Variants in STXBP6 observed in about 807,000 individuals in gnomAD.
The protein encoded by STXBP6 is syntaxin-binding protein 6.
STXBP6 carries 21 observed loss-of-function variants against 26.9 expected under a neutral mutation model. The observed-to-expected ratio is 0.78, with a 90% CI of 0.55 to 1.12. STXBP6 has a LOEUF of 1.12. Among genes scored for constraint, STXBP6 ranks in the 50% most tolerant of loss-of-function variants. STXBP6 has a pLI of 0.00. For missense variants in STXBP6, 232 were observed against 257.9 expected (o/e 0.90, Z 0.69); for synonymous variants, 97 against 92.6 (o/e 1.05, Z -0.27).
At position 24,897,363 on chromosome 14, in the gene STXBP6, T is replaced by C. The variant is rs187465267; in HGVS notation, c.155-40206A>G. ...AGGGGGAGTTTGCAGTGAGCCAAGA[T>C]CGCGCCACTGCACTCCAGCCTGGGC... is the stretch of plus-strand genomic sequence containing the variant. On this transcript the variant is annotated intron_variant, in intron 2 of 5. Coordinates refer to ENST00000323944, the MANE Select transcript of STXBP6 (RefSeq NM_001394410.1). Among the ~76,000 whole-genome samples, 14 of 127,034 alleles carry C rather than the reference T, an allele frequency of 1.1e-4. No individual in the cohort carries two copies. In the East Asian group the frequency reaches 3.2e-3, roughly 29 times the overall value. The allele number at this position is 127,034 out of a possible 152,430, so 83.3% of individuals were successfully genotyped here. A position where few individuals can be genotyped will look rare whatever the true frequency, so the allele number is the denominator to read the frequency against.
chr14:24,994,342 T>C (rs1262379171), intron 1 of STXBP6, among the ~76,000 whole-genome samples: 1 of 152,094 alleles, frequency 6.6e-6, no homozygotes, highest in African/African-American at 2.4e-5. Flanking sequence ...ATCAGGAGAG[T>C]GGGTTTGATA....
intron 1 of STXBP6, chr14:24,987,865 T>C (rs1014238618): frequency 6.1e-6 from 6 of 985,442 alleles, no homozygotes; most frequent in African/African-American, 1.7e-5. Context: ...AGAGCAAAGC[T>C]GGAATAAGAT....
At chr14:24,937,847 C>T (rs965690315) in intron 2 of STXBP6, among the ~76,000 whole-genome samples, 2 of 152,152 alleles carry the variant, frequency 1.3e-5, no homozygotes, top group Non-Finnish European at 2.9e-5. Context: ...AAAAAAATTA[C>T]CTGTGTACAT....
chr14:24,997,567 T>C (rs1002831824), intron 1 of STXBP6, among the ~76,000 whole-genome samples: 3 of 152,228 alleles, frequency 2.0e-5, no homozygotes, highest in Non-Finnish European at 2.9e-5. Context: ...TATCAAGTCT[T>C]ATCATGCACC....
intron 2 of STXBP6, among the ~76,000 whole-genome samples, chr14:24,857,596 C>T (rs2139188651): frequency 6.6e-6 from 1 of 152,058 alleles, no homozygotes; most frequent in South Asian, 2.1e-4. Flanking sequence ...TAGAGAACTG[C>T]AAGGTATATT....
At chr14:25,002,884 G>T (rs908449803) in intron 1 of STXBP6, among the ~76,000 whole-genome samples, 2 of 151,506 alleles carry the variant, frequency 1.3e-5, no homozygotes, top group Non-Finnish European at 2.9e-5. Flanking sequence ...GTGCCACCAC[G>T]CCCAGCTAAT....
chr14:24,841,184 A>G, intron 4 of STXBP6, among the ~76,000 whole-genome samples: 1 of 152,140 alleles, frequency 6.6e-6, no homozygotes, highest in Non-Finnish European at 1.5e-5. Context: ...TTCTGAATAT[A>G]TCTTTGTATT....
intron 4 of STXBP6, among the ~76,000 whole-genome samples, chr14:24,838,678 C>T (rs1014736524): frequency 2.0e-5 from 3 of 149,814 alleles, no homozygotes; most frequent in South Asian, 2.1e-4. Flanking sequence ...ATCGAGATCC[C>T]GTCTCAAAAA....
intron 1 of STXBP6, among the ~76,000 whole-genome samples, chr14:25,028,493 AGACT>A (rs1400776864): frequency 6.6e-6 from 1 of 152,070 alleles, no homozygotes; most frequent in Non-Finnish European, 1.5e-5. Flanking sequence ...CTCATTGTTG[AGACT>A]GACTGCTCAG....
At chr14:24,842,242 G>A (rs981616103) in intron 4 of STXBP6, among the ~76,000 whole-genome samples, 11 of 152,098 alleles carry the variant, frequency 7.2e-5, no homozygotes, top group African/African-American at 2.4e-4. Context: ...TGGTCACAGC[G>A]TATTTGTAAA....
At chr14:24,861,128 C>T (rs980081645) in intron 2 of STXBP6, among the ~76,000 whole-genome samples, 7 of 152,102 alleles carry the variant, frequency 4.6e-5, no homozygotes, top group Non-Finnish European at 1.0e-4. Flanking sequence ...GCAGAATTTA[C>T]CACACCTACA....
intron 2 of STXBP6, among the ~76,000 whole-genome samples, chr14:24,914,730 A>C (rs2071698950): frequency 6.6e-6 from 1 of 152,196 alleles, no homozygotes; most frequent in East Asian, 1.9e-4. Context: ...TAAGATGCAC[A>C]TCAGAAAAAT....
Position 24,990,671 on chromosome 14 carries a change from A to G in STXBP6, c.-32-15821T>C, listed in dbSNP as rs556430086. On this transcript the variant is annotated intron_variant, in intron 1 of 5. Coordinates refer to ENST00000323944, the MANE Select transcript of STXBP6 (RefSeq NM_001394410.1). Reference sequence around the variant, plus strand: ...TGAAACTCCATCTCAAAAAAAAAAAAAAAAAAAAGATAAGCTGGGTCAATT... The same window carrying G: ...TGAAACTCCATCTCAAAAAAAAAAAGAAAAAAAAGATAAGCTGGGTCAATT... Among the ~76,000 whole-genome samples the G allele has an allele frequency of 2.6e-5, 4 of 151,828 alleles. No homozygotes were observed. In the East Asian group the frequency reaches 7.8e-4, roughly 29 times the overall value.
intron 1 of STXBP6, among the ~76,000 whole-genome samples, chr14:24,999,145 C>G (rs775191260): frequency 6.6e-6 from 1 of 152,140 alleles, no homozygotes; most frequent in African/African-American, 2.4e-5. Context: ...CATTGTACAG[C>G]TGAAAAACTG....
intron 1 of STXBP6, among the ~76,000 whole-genome samples, chr14:24,989,748 C>T (rs150710457): frequency 9.6e-4 from 146 of 152,298 alleles, no homozygotes; most frequent in Middle Eastern, 3.4e-3. Flanking sequence ...CTGCCCATCA[C>T]GAGTGTGGGC....
chr14:24,937,648 A>G lies in STXBP6; in HGVS notation c.154+37017T>C, dbSNP rs576521290. On this transcript the variant is annotated intron_variant, in intron 2 of 5. Transcript: ENST00000323944. ...TATATATGTCTTAGAAACATAAAAT[A>G]CAGTAATTTATATTATCACTTCTGA... is the stretch of plus-strand genomic sequence containing the variant. Among the ~76,000 whole-genome samples, 51 of 152,354 alleles carry G rather than the reference A, an allele frequency of 3.3e-4. No homozygotes were observed. In the South Asian group the frequency reaches 0.011, roughly 32 times the overall value.
chr14:25,020,856 C>T (rs1042072960), intron 1 of STXBP6, among the ~76,000 whole-genome samples: 4 of 152,162 alleles, frequency 2.6e-5, no homozygotes, highest in East Asian at 1.9e-4. Context: ...TTTCCCCTTC[C>T]GCCCAACCCC....
chr14:24,819,216 C>T (rs1173107612), intron 4 of STXBP6, 22 bp from the exon 5 acceptor site: 5 of 1,613,566 alleles, frequency 3.1e-6, no homozygotes, highest in Admixed American at 3.3e-5. Context: ...AGAGCAGGAG[C>T]ATCAGAAACT....
intron 2 of STXBP6, among the ~76,000 whole-genome samples, chr14:24,924,808 A>T (rs1349148925): frequency 6.6e-6 from 1 of 152,220 alleles, no homozygotes; most frequent in Non-Finnish European, 1.5e-5. Context: ...GATTACGACA[A>T]GTGACAAGCT....
Sources: gnomAD v4.1 joint callset for allele counts (sites outside exome capture counted in the v4.1 genomes callset) on GRCh38, gnomAD v4.1.1 for gene constraint, MANE v1.5 for transcripts, NCBI Gene and HGNC (gene_info 2026-07-23, HGNC 2026-07-21) for gene names.